The following P2RX6 variants were observed in gnomAD, a reference collection of about 807,000 sequenced individuals.
The protein encoded by P2RX6 is purinergic receptor P2X 6.
In P2RX6, 62 loss-of-function variants were observed where a neutral mutation model predicts 54.2. The observed-to-expected ratio is 1.14, with a 90% confidence interval of 0.93 to 1.41. The LOEUF (loss-of-function observed/expected upper bound fraction) is 1.41, where lower values mean the gene tolerates loss of function less well. Among genes scored for constraint, P2RX6 ranks in the 40% most tolerant of loss-of-function variants. The pLI is 0.00. For missense variants in P2RX6, 541 were observed against 566.3 expected (o/e 0.96, Z 0.45); for synonymous variants, 211 against 231.9 (o/e 0.91, Z 0.82).
At chr22:21,010,858 G>C (rs1429584683), upstream of P2RX6, among the ~76,000 whole-genome samples, 1 of 151,876 alleles carries the variant, frequency 6.6e-6, no homozygotes, top group East Asian at 1.9e-4. Flanking sequence ...CCCTAGCCTA[G>C]GCACACTGCT....
intron 3 of P2RX6, among the ~76,000 whole-genome samples, chr22:21,019,406 C>G (rs1418015154): frequency 3.9e-5 from 6 of 152,224 alleles, no homozygotes. Flanking sequence ...ACCTCCGCCT[C>G]CTGGGTTCAA....
At position 21,023,491 on chromosome 22, in the gene P2RX6, G is replaced by A. The variant is rs1225776085; in HGVS notation, c.781-18G>A. 1 of 1,613,570 alleles carries A rather than the reference G, an allele frequency of 6.2e-7. No homozygotes were observed. Among genetic ancestry groups the A allele is most frequent in the South Asian group, 1.1e-5 (1 of 91,066 alleles). Reference sequence around the variant, plus strand: ...CCCGGGCCCACCCACCGGTGGAAAAGCTATGTGCTATGTGCAGGGTGGCTC... The same window carrying A: ...CCCGGGCCCACCCACCGGTGGAAAAACTATGTGCTATGTGCAGGGTGGCTC... On this transcript the variant is annotated intron_variant, in intron 7 of 11. Coordinates refer to ENST00000413302, the MANE Select transcript of P2RX6 (RefSeq NM_005446.5).
chr22:21,020,439 G>A (rs977661929), intron 3 of P2RX6, among the ~76,000 whole-genome samples: 1 of 152,044 alleles, frequency 6.6e-6, no homozygotes, highest in African/African-American at 2.4e-5. Flanking sequence ...CTGGGCCAGG[G>A]GGCTAGCTAG....
chr22:21,019,051 C>T (rs1926915303), intron 3 of P2RX6, among the ~76,000 whole-genome samples: 1 of 152,162 alleles, frequency 6.6e-6, no homozygotes, highest in Admixed American at 6.5e-5. Flanking sequence ...TGGGGATGTC[C>T]CTGGGATCCT....
At position 21,015,881 on chromosome 22, in the gene P2RX6, A is replaced by C. The variant is rs1286659643; in HGVS notation, c.165-61A>C. On this transcript the variant is annotated intron_variant, in intron 1 of 11. Coordinates refer to ENST00000413302, the MANE Select transcript of P2RX6 (RefSeq NM_005446.5). The stretch of plus-strand genomic sequence containing the variant: ...GGGGAGAACTGAGCATGTAGGGCTC[A>C]GCTCCGCCCCTGTCACTACACGCTG... 4.0e-6 allele frequency: 6 copies of C among 1,508,180 alleles called. No homozygotes were observed. In the African/African-American group the frequency reaches 8.3e-5, roughly 21 times the overall value. The allele number at this position is 1,508,180 out of a possible 1,614,324, so 93.4% of individuals were successfully genotyped here. A position where few individuals can be genotyped will look rare whatever the true frequency, so the allele number is the denominator to read the frequency against.
At chr22:21,015,736 G>A (rs885874) in intron 1 of P2RX6, among the ~76,000 whole-genome samples, 14,546 of 152,118 alleles carry the variant, frequency 0.096, 715 homozygotes, top group South Asian at 0.14. Context: ...ATTGTCTGAG[G>A]GCATTGGCTC....
chr22:21,026,898 G>T lies in P2RX6; in HGVS notation c.*281G>T. ...CCGACTGCATGTGGCAGGGGCTCCT[G>T]CTGCGTCTGGGCCTGGAGGTCTCTC... On this transcript the variant is annotated 3_prime_UTR_variant, in exon 12 of 12. Transcript: ENST00000413302. This position sits in a 1 kb window ranked among gnomAD's most constrained non-coding sequence, Gnocchi z 4.0. 1 of 534,282 alleles carries T rather than the reference G, an allele frequency of 1.9e-6. No homozygotes were observed. The highest frequency in any genetic ancestry group is 3.3e-6 in the Non-Finnish European group (1 of 306,984). 33.1% of individuals were successfully genotyped at this position (534,282 alleles called of 1,614,324 possible).
chr22:21,018,117 G>A, intron 3 of P2RX6, 57 bp downstream of exon 3: 1 of 1,102,118 alleles, frequency 9.1e-7, no homozygotes, highest in Non-Finnish European at 1.4e-6. Flanking sequence ...AGCCCCAGGG[G>A]GCCACCCGTG....
chr22:21,011,073 G>A (rs1279769127), upstream of P2RX6, among the ~76,000 whole-genome samples: 4 of 152,214 alleles, frequency 2.6e-5, no homozygotes, highest in East Asian at 1.9e-4. Context: ...CTTTTGCAGT[G>A]CCAATAATTA....
chr22:21,022,542 G>A (rs1027937767), intron 3 of P2RX6, 134 bp from the exon 4 acceptor site: 3 of 589,714 alleles, frequency 5.1e-6, no homozygotes, highest in Admixed American at 3.6e-5. Flanking sequence ...GTACTCTGGC[G>A]GCGGGGTGGT....
intron 8 of P2RX6, among the ~76,000 whole-genome samples, chr22:21,024,884 T>G (rs1362766720): frequency 3.5e-5 from 5 of 144,464 alleles, no homozygotes; most frequent in Non-Finnish European, 6.0e-5. Flanking sequence ...TTGTGTTTTT[T>G]TTTTTTTTTT....
In P2RX6 at chr22:21,022,839, G is replaced by A. The variant is rs967892757; in HGVS notation, c.463+88G>A. 11 of 1,462,572 alleles carry A rather than the reference G, an allele frequency of 7.5e-6. No homozygotes were observed. In the African/African-American group the frequency reaches 9.7e-5, roughly 13 times the overall value. The allele number at this position is 1,462,572 out of a possible 1,614,324, so 90.6% of individuals were successfully genotyped here. ...TGGCTCCTGAGTGCAGGCCCTGCTCGCCTCTGTCCCTGCATCTCTCTTTCT... is the reference window on the plus strand; with the variant it reads ...TGGCTCCTGAGTGCAGGCCCTGCTCACCTCTGTCCCTGCATCTCTCTTTCT... On this transcript the variant is annotated intron_variant, in intron 4 of 11. Coordinates refer to ENST00000413302, the MANE Select transcript of P2RX6 (RefSeq NM_005446.5).
chr22:21,016,034 A>G lies in P2RX6; in HGVS notation c.257A>G (p.Gln86Arg), dbSNP rs970603588. 9 of 1,558,056 alleles carry G rather than the reference A, an allele frequency of 5.8e-6. No homozygotes were observed. In the African/African-American group the frequency reaches 1.2e-4, roughly 21 times the overall value. The change falls in exon 2 of 12, where the codon CAG becomes CGG. Residue 86 changes from glutamine to arginine, a missense_variant. Physicochemically the swap from Gln to Arg is conservative, Grantham distance 43 (BLOSUM62 1). Around this residue, in one of 2 missense-constraint regions of P2RX6, gnomAD observed 526 missense variants for 531.5 expected, o/e 0.99. Coordinates refer to ENST00000413302, the MANE Select transcript of P2RX6 (RefSeq NM_005446.5). ...ITKLKGVSVTQIKELGNRLWD... is the reference protein window; with the variant it reads ...ITKLKGVSVTRIKELGNRLWD... ...AAACTCAAAGGGGTTTCCGTCACTC[A>G]GATCAAGGAGCTTGGAAACCGGCTG... is the stretch of plus-strand genomic sequence containing the variant.
intron 2 of P2RX6, 90 bp downstream of exon 2, chr22:21,016,182 G>T (rs1330740400): frequency 3.5e-5 from 46 of 1,327,862 alleles, no homozygotes; most frequent in Non-Finnish European, 4.8e-5. Flanking sequence ...GTGCGAGAGA[G>T]AAGCATGTGA....
At chr22:21,012,405 C>T (rs923972269), upstream of P2RX6, 24 of 366,660 alleles carry the variant, frequency 6.5e-5, no homozygotes, top group South Asian at 5.2e-4. Flanking sequence ...GAGGCCCCTC[C>T]TCTATCCACC....
intron 3 of P2RX6, among the ~76,000 whole-genome samples, chr22:21,022,282 G>C (rs937930042): frequency 6.6e-6 from 1 of 152,238 alleles, no homozygotes; most frequent in Non-Finnish European, 1.5e-5. Context: ...ACTGAGGTGA[G>C]AGGATTGCTT....
At chr22:21,025,931 G>T in intron 9 of P2RX6, 33 bp downstream of exon 9, 1 of 1,580,936 alleles carries the variant, frequency 6.3e-7, no homozygotes, top group African/African-American at 1.3e-5. Flanking sequence ...CCGGGGATGG[G>T]ATGGGGCAGG....
At chr22:21,013,237 G>A (rs1925863080), upstream of P2RX6, 2 of 157,598 alleles carry the variant, frequency 1.3e-5, no homozygotes, top group Admixed American at 6.5e-5. Flanking sequence ...ATAGCCACCT[G>A]CCTCCTCCCC....
At chr22:21,017,592 G>A (rs1268476626) in intron 2 of P2RX6, among the ~76,000 whole-genome samples, 1 of 152,230 alleles carries the variant, frequency 6.6e-6, no homozygotes, top group Non-Finnish European at 1.5e-5. Flanking sequence ...GCTGGAGCCT[G>A]TAGTCCCAGC....
Sources: allele counts gnomAD v4.1 joint callset (sites outside exome capture counted in the v4.1 genomes callset), GRCh38; gene constraint gnomAD v4.1.1; regional missense constraint gnomAD v4.1.1; non-coding constraint Gnocchi (gnomAD v3.1); transcripts MANE v1.5; gene names NCBI Gene and HGNC (gene_info 2026-07-23, HGNC 2026-07-21).